LMO4: variants seen among roughly 807,000 people sequenced by gnomAD.
The protein encoded by LMO4 is LIM domain only 4, also known as LIM domain transcription factor LMO4.
In LMO4, 3 loss-of-function variants were observed where a neutral mutation model predicts 18.5. The observed-to-expected ratio is 0.16, with a 90% CI of 0.07 to 0.42. The LOEUF (loss-of-function observed/expected upper bound fraction) is 0.42, where lower values mean the gene tolerates loss of function less well. Ranked by LOEUF, LMO4 falls within the 10% of genes least tolerant of loss-of-function variation. The pLI, the probability that LMO4 is intolerant of heterozygous loss-of-function variation, is 0.99. For missense variants in LMO4, 121 were observed against 219.9 expected (o/e 0.55, Z 2.84); for synonymous variants, 100 against 88.1 (o/e 1.14, Z -0.76).
chr1:87,345,545 G>A lies in LMO4; in HGVS notation c.*749G>A, dbSNP rs983599696. On this transcript the variant is annotated 3_prime_UTR_variant, in exon 5 of 5. Transcript: ENST00000370544. ...TTTCAGAGACATTTGCTCTAGTATG[G>A]TGTATTTAAATAATAAAAACTTAAA... 6.6e-6 allele frequency: 1 copy of A among 152,076 alleles called. No individual in the cohort carries two copies. The highest frequency in any genetic ancestry group is 1.5e-5 in the Non-Finnish European group (1 of 68,028). The allele number at this position is 152,076 out of a possible 1,614,324, so 9.4% of individuals were successfully genotyped here. A position where few individuals can be genotyped will look rare whatever the true frequency, so the allele number is the denominator to read the frequency against.
intron 1 of LMO4, among the ~76,000 whole-genome samples, chr1:87,330,941 T>G (rs1031615635): frequency 1.3e-5 from 2 of 151,866 alleles, no homozygotes; most frequent in Non-Finnish European, 2.9e-5. Context: ...GCATCTCTTG[T>G]GGCATTCATT....
rs758338424 is a variant in LMO4 at position 87,348,359 on chromosome 1, T to C, written c.*3563T>C. 15 of 228,350 alleles carry C rather than the reference T, an allele frequency of 6.6e-5. No individual in the cohort carries two copies. The highest frequency in any genetic ancestry group is 9.0e-5 in the Non-Finnish European group (10 of 110,978). 14.1% of individuals were successfully genotyped at this position (228,350 alleles called of 1,614,324 possible). On this transcript the variant is annotated 3_prime_UTR_variant, in exon 5 of 5. Transcript: ENST00000370544. ...TGGAAAAAGGCCATTTACAAGTTAA[T>C]GTTACTTATAGCTTTGTTACTAAGA... is the stretch of plus-strand genomic sequence containing the variant.
At chr1:87,341,485 CA>C (rs1476541948) in intron 4 of LMO4, among the ~76,000 whole-genome samples, 2 of 152,058 alleles carry the variant, frequency 1.3e-5, no homozygotes, top group Non-Finnish European at 2.9e-5. Flanking sequence ...AGGAATTTAG[CA>C]AGCTTCAAAA....
chr1:87,340,900 A>T (rs1160452530), intron 4 of LMO4, among the ~76,000 whole-genome samples: 1 of 152,236 alleles, frequency 6.6e-6, no homozygotes, highest in Non-Finnish European at 1.5e-5. Flanking sequence ...TTAGGAAATT[A>T]TACAAGTATA....
rs397949898 is a variant in LMO4 at position 87,331,063 on chromosome 1, GCCCCCCCCCCC to G, written c.-3-944_-3-934del. Among the ~76,000 whole-genome samples, 17 of 4,230 alleles carry G rather than the reference GCCCCCCCCCCC, an allele frequency of 4.0e-3. 4 individuals carry two copies. The highest frequency in any genetic ancestry group is 0.016 in the Non-Finnish European group (17 of 1,032). The allele number at this position is 4,230 out of a possible 152,430, so 2.8% of individuals were successfully genotyped here. ...TCGCACATTATCTGTAACGCCGCCC[GCCCCCCCCCCC>G]CCCCCGCCCTTTGGAGGAACAAAGC... is the stretch of plus-strand genomic sequence containing the variant. On this transcript the variant is annotated intron_variant, in intron 1 of 4. Transcript: ENST00000370544.
intron 1 of LMO4, 103 bp from the exon 2 acceptor site, chr1:87,331,910 G>GT (rs1650165157): frequency 2.1e-6 from 2 of 939,650 alleles, no homozygotes; most frequent in Admixed American, 4.0e-5. Flanking sequence ...CAGCAGCTCC[G>GT]CGGGGAGGAG....
At chr1:87,336,509 A>G (rs1376722850) in intron 2 of LMO4, among the ~76,000 whole-genome samples, 3 of 152,230 alleles carry the variant, frequency 2.0e-5, no homozygotes, top group East Asian at 3.8e-4. Context: ...TTTGCCCTCC[A>G]TCTCTTAATG....
In LMO4 at chr1:87,348,336, GA is replaced by G. The variant is rs1650692411; in HGVS notation, c.*3545del. ...CTATGACCCCTTCAAGAGGCCATTG[GA>G]AAAAGGCCATTTACAAGTTAATGTT... is the stretch of plus-strand genomic sequence containing the variant. On this transcript the variant is annotated 3_prime_UTR_variant, in exon 5 of 5. Coordinates refer to ENST00000370544, the MANE Select transcript of LMO4 (RefSeq NM_006769.4). 4.5e-6 allele frequency: 1 copy of G among 219,884 alleles called. No individual in the cohort carries two copies. Among genetic ancestry groups the G allele is most frequent in the East Asian group, 1.0e-4 (1 of 9,938 alleles). 13.6% of individuals were successfully genotyped at this position (219,884 alleles called of 1,614,324 possible).
Position 87,347,978 on chromosome 1 carries a change from C to G in LMO4, c.*3182C>G, listed in dbSNP as rs1650681198. ...ATGAAGTCTGTGAAATTGTCATCCTCTTAATATTACCTGTATTTAAATTCT... is the reference window on the plus strand; with the variant it reads ...ATGAAGTCTGTGAAATTGTCATCCTGTTAATATTACCTGTATTTAAATTCT... On this transcript the variant is annotated 3_prime_UTR_variant, in exon 5 of 5. Transcript: ENST00000370544. 6.6e-6 allele frequency: 1 copy of G among 152,316 alleles called. No individual in the cohort carries two copies. Among genetic ancestry groups the G allele is most frequent in the Middle Eastern group, 3.4e-3 (1 of 294 alleles). 9.4% of individuals were successfully genotyped at this position (152,316 alleles called of 1,614,324 possible). A position where few individuals can be genotyped will look rare whatever the true frequency, so the allele number is the denominator to read the frequency against.
intron 2 of LMO4, among the ~76,000 whole-genome samples, chr1:87,333,855 G>A (rs1401520343): frequency 2.6e-5 from 4 of 151,516 alleles, no homozygotes; most frequent in Non-Finnish European, 5.9e-5. Context: ...ACTGTGGTAA[G>A]AAAGGAGTGT....
At chr1:87,330,754 C>T (rs1650115781) in intron 1 of LMO4, among the ~76,000 whole-genome samples, 1 of 152,164 alleles carries the variant, frequency 6.6e-6, no homozygotes, top group Admixed American at 6.5e-5. Flanking sequence ...CCCACACTCT[C>T]AGCTTACAGA....
At chr1:87,336,343 C>G (rs924048101) in intron 2 of LMO4, among the ~76,000 whole-genome samples, 6 of 152,216 alleles carry the variant, frequency 3.9e-5, no homozygotes, top group African/African-American at 1.4e-4. Flanking sequence ...AAACGTACCT[C>G]TCCTTGCCCA....
At chr1:87,331,951 A>T in intron 1 of LMO4, 62 bp from the exon 2 acceptor site, 1 of 1,330,428 alleles carries the variant, frequency 7.5e-7, no homozygotes, top group Non-Finnish European at 1.1e-6. Flanking sequence ...TCCGGCGATT[A>T]CTAACTTTTG....
intron 4 of LMO4, among the ~76,000 whole-genome samples, chr1:87,343,224 AGTT>A (rs1557616864): frequency 6.6e-6 from 1 of 152,152 alleles, no homozygotes; most frequent in Non-Finnish European, 1.5e-5. Flanking sequence ...TGTGTAGTGT[AGTT>A]GTTGTTCTGC....
intron 2 of LMO4, among the ~76,000 whole-genome samples, chr1:87,333,704 G>A (rs1202508070): frequency 2.6e-5 from 4 of 152,148 alleles, no homozygotes; most frequent in Non-Finnish European, 4.4e-5. Flanking sequence ...TTTAAATTAA[G>A]ATGGCAGCAT....
chr1:87,342,516 A>C (rs1422702838), intron 4 of LMO4, among the ~76,000 whole-genome samples: 1 of 152,110 alleles, frequency 6.6e-6, no homozygotes, highest in African/African-American at 2.4e-5. Context: ...TGTTTTCTTA[A>C]TGTTGGAGGC....
chr1:87,333,538 C>T (rs552578725), intron 2 of LMO4, among the ~76,000 whole-genome samples: 47 of 152,252 alleles, frequency 3.1e-4, no homozygotes, highest in African/African-American at 1.1e-3. Context: ...CAGTTCCGAG[C>T]TGAGTGTGGA....
chr1:87,344,418 C>T (rs1371714791), intron 4 of LMO4, among the ~76,000 whole-genome samples: 1 of 152,212 alleles, frequency 6.6e-6, no homozygotes, highest in Non-Finnish European at 1.5e-5. Flanking sequence ...TAGGTAGGAA[C>T]TTGTCTTGGA....
intron 4 of LMO4, 37 bp downstream of exon 4, chr1:87,340,239 G>A (rs758075234): frequency 1.1e-5 from 18 of 1,602,044 alleles, no homozygotes; most frequent in Non-Finnish European, 7.7e-6. Flanking sequence ...CTTTATTAGA[G>A]CAAGTTGGAA....
Sources: allele counts gnomAD v4.1 joint callset (sites outside exome capture counted in the v4.1 genomes callset), GRCh38; gene constraint gnomAD v4.1.1; transcripts MANE v1.5; gene names NCBI Gene and HGNC (gene_info 2026-07-23, HGNC 2026-07-21).